PARVG: variants seen among roughly 807,000 people sequenced by gnomAD.
PARVG encodes gamma-parvin.
PARVG carries 36 observed loss-of-function variants against 44.4 expected under a neutral mutation model. The observed-to-expected ratio is 0.81, with a 90% confidence interval of 0.62 to 1.07. PARVG has a LOEUF of 1.07. Ranked by LOEUF, PARVG falls within the 50% of genes least tolerant of loss-of-function variation. The pLI is 0.00. For missense variants in PARVG, 407 were observed against 407.4 expected, an observed-to-expected ratio of 1.00 and a Z score of 0.01; for synonymous variants, 170 against 174.1, an observed-to-expected ratio of 0.98 and a Z score of 0.19.
Position 44,196,347 on chromosome 22 carries a change from G to C in PARVG, c.643G>C (p.Ala215Pro). Residue 215 changes from alanine (A) to proline (P), a missense_variant and splice_region_variant, in exon 11 of 14, where the codon GCC becomes CCC. Transcript: ENST00000444313. ...APEKVNAVKE[A>P]IVNFVNQKLD... ...TAGGCCCTTGTTCTTCCCTGGTTAG[G>C]CCATCGTGAACTTTGTCAACCAGAA... is the stretch of plus-strand genomic sequence containing the variant. 1 of 1,614,182 alleles carries C rather than the reference G, an allele frequency of 6.2e-7. No homozygotes were observed. Among genetic ancestry groups the C allele is most frequent in the Non-Finnish European group, 8.5e-7 (1 of 1,180,028 alleles).
intron 12 of PARVG, among the ~76,000 whole-genome samples, chr22:44,201,349 G>A (rs2054705760): frequency 6.6e-6 from 1 of 152,180 alleles, no homozygotes; most frequent in African/African-American, 2.4e-5. Flanking sequence ...CCCAGGGCCC[G>A]AGAGGCTTAC....
Position 44,206,824 on chromosome 22 carries a change from C to T in PARVG, c.*398C>T, listed in dbSNP as rs73888906. 4.7e-6 allele frequency: 1 copy of T among 212,838 alleles called. No individual in the cohort carries two copies. The highest frequency in any genetic ancestry group is 2.4e-5 in the African/African-American group (1 of 42,088). The allele number at this position is 212,838 out of a possible 1,614,324, so 13.2% of individuals were successfully genotyped here. A position where few individuals can be genotyped will look rare whatever the true frequency, so the allele number is the denominator to read the frequency against. On this transcript the variant is annotated 3_prime_UTR_variant, in exon 14 of 14. Coordinates refer to ENST00000444313, the MANE Select transcript of PARVG (RefSeq NM_022141.7). ...ACTCTCAGGGACAGGGCCCACAGCC[C>T]CAGACCCCACCTTTTCCAGCCCAGC...
chr22:44,178,905 G>A (rs1187596835), upstream of PARVG, among the ~76,000 whole-genome samples: 1 of 152,178 alleles, frequency 6.6e-6, no homozygotes, highest in Non-Finnish European at 1.5e-5. Flanking sequence ...ATGGTACTGT[G>A]TTATGCAGGA....
chr22:44,189,156 T>A lies in PARVG; in HGVS notation c.290T>A (p.Leu97Gln). Reference sequence around the variant, plus strand: ...AAGCTGGAAGCAGAGGACATCGCCCTGACAGCCACAAGCCAGAAGCACAAG... The same window carrying A: ...AAGCTGGAAGCAGAGGACATCGCCCAGACAGCCACAAGCCAGAAGCACAAG... ...ALKLEAEDIA[L>Q]TATSQKHKLT... Residue 97 changes from leucine to glutamine, a missense_variant, in exon 6 of 14, where the codon CTG becomes CAG. Coordinates refer to ENST00000444313, the MANE Select transcript of PARVG (RefSeq NM_022141.7). 1 of 1,614,102 alleles carries A rather than the reference T, an allele frequency of 6.2e-7. No homozygotes were observed. The highest frequency in any genetic ancestry group is 8.5e-7 in the Non-Finnish European group (1 of 1,180,002).
chr22:44,202,172 A>G (rs2054718855), intron 12 of PARVG, among the ~76,000 whole-genome samples: 1 of 152,220 alleles, frequency 6.6e-6, no homozygotes, highest in African/African-American at 2.4e-5. Context: ...GCACACAGTG[A>G]GTTAGGGTCC....
At position 44,208,255 on chromosome 22, in the gene PARVG, G is replaced by A. The variant is rs910718644; in HGVS notation, c.*1829G>A. The A allele has an allele frequency of 6.6e-6, 1 of 152,210 alleles. No homozygotes were observed. The highest frequency in any genetic ancestry group is 2.4e-5 in the African/African-American group (1 of 41,456). 9.4% of individuals were successfully genotyped at this position (152,210 alleles called of 1,614,324 possible). Reference sequence around the variant, plus strand: ...TTGAAAAATAACTTCCCAGTTTGAAGTGTACAATTTGATGAGTTTTGACAA... The same window carrying A: ...TTGAAAAATAACTTCCCAGTTTGAAATGTACAATTTGATGAGTTTTGACAA... On this transcript the variant is annotated 3_prime_UTR_variant, in exon 14 of 14. Transcript: ENST00000444313.
chr22:44,175,202 C>A (rs2054307776), intron 1 of PARVG, among the ~76,000 whole-genome samples: 2 of 152,254 alleles, frequency 1.3e-5, no homozygotes, highest in African/African-American at 4.8e-5. Flanking sequence ...GAAAGGCCCC[C>A]CAATTCAGCC....
chr22:44,192,717 C>A (rs950606894), intron 8 of PARVG, among the ~76,000 whole-genome samples: 3 of 149,520 alleles, frequency 2.0e-5, no homozygotes, highest in Non-Finnish European at 4.5e-5. Context: ...GCTGGCCATA[C>A]TGCTCCCTGC....
intron 9 of PARVG, 134 bp downstream of exon 9, chr22:44,193,957 T>A: frequency 8.6e-7 from 1 of 1,161,406 alleles, no homozygotes; most frequent in South Asian, 1.4e-5. Flanking sequence ...CAAGCCTCAT[T>A]CTTATTCATT....
At chr22:44,196,029 A>G (rs1222084566) in intron 9 of PARVG, 126 bp from the exon 10 acceptor site, 3 of 974,070 alleles carry the variant, frequency 3.1e-6, no homozygotes, top group South Asian at 3.0e-5. Context: ...TTTGAGAACC[A>G]TGATGTAAAA....
At chr22:44,190,025 C>T (rs900833131) in intron 6 of PARVG, among the ~76,000 whole-genome samples, 1 of 152,178 alleles carries the variant, frequency 6.6e-6, no homozygotes, top group African/African-American at 2.4e-5. Context: ...CATATCCCCC[C>T]ACCCCACCCA....
Position 44,192,104 on chromosome 22 carries a change from G to T in PARVG, c.560G>T (p.Ser187Ile), listed in dbSNP as rs747852658. Residue 187 changes from serine (S) to isoleucine (I), a missense_variant and splice_region_variant, in exon 8 of 14, where the codon AGC becomes ATC. Physicochemically the swap from Ser to Ile is moderately radical, Grantham distance 142. Transcript: ENST00000444313. ...TTGGTGGAACAGCTCACTGAATACA[G>T]GTGAGGGAAGGATGAGGGCCCATGG... ...EKLVEQLTEY[S>I]TDKDEPPKDV... is the part of the protein sequence containing the mutation. The T allele has an allele frequency of 2.5e-6, 4 of 1,613,190 alleles. No homozygotes were observed. In the South Asian group the frequency reaches 4.4e-5, roughly 18 times the overall value.
intron 12 of PARVG, among the ~76,000 whole-genome samples, chr22:44,202,593 C>T (rs2054724441): frequency 6.6e-6 from 1 of 152,236 alleles, no homozygotes; most frequent in African/African-American, 2.4e-5. Flanking sequence ...AGCCTCTTAG[C>T]TCAGACTCCA....
intron 1 of PARVG, among the ~76,000 whole-genome samples, chr22:44,173,427 C>G (rs1433134229): frequency 6.6e-6 from 1 of 152,138 alleles, no homozygotes; most frequent in Admixed American, 6.5e-5. Context: ...CTGCCATAAA[C>G]TCTCCTTGGC....
intron 1 of PARVG, 102 bp from the exon 2 acceptor site, chr22:44,181,640 G>A (rs1175497243): frequency 1.1e-6 from 1 of 882,192 alleles, no homozygotes; most frequent in Non-Finnish European, 1.4e-6. Context: ...AACCCCGGGG[G>A]CCCAGGCGGC....
At chr22:44,188,968 T>C in intron 5 of PARVG, 146 bp from the exon 6 acceptor site, 3 of 1,018,904 alleles carry the variant, frequency 2.9e-6, no homozygotes. Context: ...AGGCTGTGAG[T>C]GTGGCCCACG....
chr22:44,183,417 C>T lies in PARVG; in HGVS notation c.79+9C>T. 6.3e-7 allele frequency: 1 copy of T among 1,589,080 alleles called. No individual in the cohort carries two copies. The highest frequency in any genetic ancestry group is 2.3e-5 in the East Asian group (1 of 43,970). ...GGAGGAGCTCTCAAAAGGTGTGTGCCCACGCAGGTCTGAGGGTGGAGGGTG... is the reference window on the plus strand; with the variant it reads ...GGAGGAGCTCTCAAAAGGTGTGTGCTCACGCAGGTCTGAGGGTGGAGGGTG... On this transcript the variant is annotated intron_variant, in intron 3 of 13. Transcript: ENST00000444313.
Position 44,187,885 on chromosome 22 carries a change from G to A in PARVG, c.247+7G>A. ...ATCCTACACCACCTATTCCGTAAGT[G>A]GCTGTTTCTGGGGCTGCCTGGGCCT... On this transcript the variant is annotated splice_region_variant and intron_variant, in intron 5 of 13. Coordinates refer to ENST00000444313, the MANE Select transcript of PARVG (RefSeq NM_022141.7). The A allele has an allele frequency of 6.2e-6, 10 of 1,614,058 alleles. No individual in the cohort carries two copies. The highest frequency in any genetic ancestry group is 8.5e-6 in the Non-Finnish European group (10 of 1,180,032).
intron 6 of PARVG, among the ~76,000 whole-genome samples, chr22:44,190,179 T>C (rs534698124): frequency 1.1e-4 from 17 of 152,362 alleles, no homozygotes; most frequent in African/African-American, 2.2e-4. Flanking sequence ...CAATCAGTAA[T>C]TGATGTTGAT....
Sources: allele counts gnomAD v4.1 joint callset (sites outside exome capture counted in the v4.1 genomes callset), GRCh38; gene constraint gnomAD v4.1.1; transcripts MANE v1.5; gene names NCBI Gene and HGNC (gene_info 2026-07-23, HGNC 2026-07-21).